The following RTP4 variants were observed in gnomAD, a reference collection of about 807,000 sequenced individuals.
RTP4 encodes receptor-transporting protein 4.
RTP4 carries 5 observed loss-of-function variants against 6.5 expected under a neutral mutation model. The ratio of observed to expected loss-of-function variants is 0.77; its 90% CI spans 0.40 to 1.62. The LOEUF is 1.62. Ranked by LOEUF, RTP4 falls within the 40% of genes most tolerant of loss-of-function variation. RTP4 has a pLI of 0.02. For missense variants in RTP4, 266 were observed against 288.7 expected (o/e 0.92, Z 0.57); for synonymous variants, 112 against 114.8 (o/e 0.98, Z 0.15).
Position 187,371,452 on chromosome 3 carries a change from A to G in RTP4, c.*79A>G, listed in dbSNP as rs1709250100. The G allele has an allele frequency of 9.3e-7, 1 of 1,070,144 alleles. No individual in the cohort carries two copies. Among genetic ancestry groups the G allele is most frequent in the Non-Finnish European group, 1.3e-6 (1 of 756,840 alleles). 66.3% of individuals were successfully genotyped at this position (1,070,144 alleles called of 1,614,324 possible). On this transcript the variant is annotated 3_prime_UTR_variant, in exon 2 of 2. Coordinates refer to ENST00000259030, the MANE Select transcript of RTP4 (RefSeq NM_022147.3). Reference sequence around the variant, plus strand: ...TGGCTGCCACTTTAATATAACTGAAAATTCATTTTGAGACCAAGCAGGATC... The same window carrying G: ...TGGCTGCCACTTTAATATAACTGAAGATTCATTTTGAGACCAAGCAGGATC...
intron 1 of RTP4, 122 bp downstream of exon 1, chr3:187,368,718 TGTG>T: frequency 1.1e-6 from 1 of 917,366 alleles, no homozygotes; most frequent in Non-Finnish European, 1.6e-6. Context: ...TCCATCCTAT[TGTG>T]GTCATAGTAC....
In RTP4 at chr3:187,370,993, C is replaced by G. The variant is rs1035105579; in HGVS notation, c.361C>G (p.His121Asp). ...TMRILSNLVQ[H>D]ILKKYYGNGT... ...GAGGATTCTGAGCAACCTGGTGCAG[C>G]ATATACTGAAGAAATACTATGGAAA... The change falls in exon 2 of 2, where the codon CAT becomes GAT. Residue 121 changes from histidine (H) to aspartate (D), a missense_variant. Transcript: ENST00000259030. 9.3e-6 allele frequency: 15 copies of G among 1,614,052 alleles called. No homozygotes were observed. The highest frequency in any genetic ancestry group is 1.3e-5 in the Non-Finnish European group (15 of 1,180,038).
At position 187,371,592 on chromosome 3, in the gene RTP4, A is replaced by G. The variant is rs1202135408; in HGVS notation, c.*219A>G. 1.7e-5 allele frequency: 9 copies of G among 535,512 alleles called. No individual in the cohort carries two copies. Among genetic ancestry groups the G allele is most frequent in the South Asian group, 2.5e-5 (1 of 40,790 alleles). 33.2% of individuals were successfully genotyped at this position (535,512 alleles called of 1,614,324 possible). On this transcript the variant is annotated 3_prime_UTR_variant, in exon 2 of 2. Transcript: ENST00000259030. ...TTGTCGAATTGCTAAAAAGTCTTCAATCATTCATTCACTAAGTCACTCAGT... is the reference window on the plus strand; with the variant it reads ...TTGTCGAATTGCTAAAAAGTCTTCAGTCATTCATTCACTAAGTCACTCAGT...
At chr3:187,368,690 G>C in intron 1 of RTP4, 94 bp downstream of exon 1, 1 of 1,237,690 alleles carries the variant, frequency 8.1e-7, no homozygotes, top group Non-Finnish European at 1.1e-6. Context: ...TGTTGAAGGA[G>C]TAAATGTCAC....
At chr3:187,369,600 A>G (rs1560063575) in intron 1 of RTP4, among the ~76,000 whole-genome samples, 2 of 151,432 alleles carry the variant, frequency 1.3e-5, no homozygotes, top group South Asian at 2.1e-4. Context: ...ATATATGTAT[A>G]TGTATACATA....
In RTP4 at chr3:187,371,453, A is replaced by T; in HGVS notation, c.*80A>T. On this transcript the variant is annotated 3_prime_UTR_variant, in exon 2 of 2. Transcript: ENST00000259030. ...GGCTGCCACTTTAATATAACTGAAA[A>T]TTCATTTTGAGACCAAGCAGGATCA... 1 of 1,045,084 alleles carries T rather than the reference A, an allele frequency of 9.6e-7. No homozygotes were observed. The highest frequency in any genetic ancestry group is 2.6e-5 in the East Asian group (1 of 38,698). The allele number at this position is 1,045,084 out of a possible 1,614,324, so 64.7% of individuals were successfully genotyped here. A position where few individuals can be genotyped will look rare whatever the true frequency, so the allele number is the denominator to read the frequency against.
Position 187,368,542 on chromosome 3 carries a change from A to G in RTP4, c.101A>G (p.Gln34Arg), listed in dbSNP as rs1193373476. 1 of 1,614,212 alleles carries G rather than the reference A, an allele frequency of 6.2e-7. No individual in the cohort carries two copies. The highest frequency in any genetic ancestry group is 8.5e-7 in the Non-Finnish European group (1 of 1,180,028). The change falls in exon 1 of 2, where the codon CAG (glutamine) becomes CGG (arginine). Residue 34 changes from glutamine (Q) to arginine (R), a missense_variant. Physicochemically the swap from Gln to Arg is conservative, Grantham distance 43. Transcript: ENST00000259030. ...ACGCTGAAGTTGGATGGCAACCTTC[A>G]GCTAGACTGCCTGGCTCAAGGGTGG... ...TWTLKLDGNL[Q>R]LDCLAQGWKQ...
In RTP4 at chr3:187,371,653, C is replaced by T. The variant is rs1711618553; in HGVS notation, c.*280C>T. The T allele has an allele frequency of 5.2e-6, 2 of 386,394 alleles. No individual in the cohort carries two copies. The highest frequency in any genetic ancestry group is 2.0e-5 in the African/African-American group (1 of 49,802). The allele number at this position is 386,394 out of a possible 1,614,324, so 23.9% of individuals were successfully genotyped here. On this transcript the variant is annotated 3_prime_UTR_variant, in exon 2 of 2. Transcript: ENST00000259030. ...TACTTAGCTCAGAAAGTGTGGGAGGCTGAATAATGGTGTCTCCCAACATAT... is the reference window on the plus strand; with the variant it reads ...TACTTAGCTCAGAAAGTGTGGGAGGTTGAATAATGGTGTCTCCCAACATAT...
At chr3:187,369,752 C>T (rs532909237) in intron 1 of RTP4, among the ~76,000 whole-genome samples, 1 of 152,068 alleles carries the variant, frequency 6.6e-6, no homozygotes, top group African/African-American at 2.4e-5. Flanking sequence ...AATAAAGCCT[C>T]CTAAACGTCT....
chr3:187,370,863 C>G lies in RTP4; in HGVS notation c.231C>G (p.His77Gln), dbSNP rs773999947. The G allele has an allele frequency of 1.2e-6, 2 of 1,614,124 alleles. No individual in the cohort carries two copies. The highest frequency in any genetic ancestry group is 1.7e-6 in the Non-Finnish European group (2 of 1,180,032). ...TTCTGTGCCACACGTACTGGGAGCA[C>G]TGGACATCCCAGGGTCAGGTGCGTA... The part of the protein sequence containing the change: ...VQILCHTYWE[H>Q]WTSQGQVRMR... Residue 77 changes from histidine (H) to glutamine (Q), a missense_variant, in exon 2 of 2, where the codon CAC (histidine) becomes CAG (glutamine). His to Gln is a conservative substitution (Grantham distance 24). Transcript: ENST00000259030.
In RTP4 at chr3:187,371,743, G is replaced by A. The variant is rs1214246947; in HGVS notation, c.*370G>A. On this transcript the variant is annotated 3_prime_UTR_variant, in exon 2 of 2. Coordinates refer to ENST00000259030, the MANE Select transcript of RTP4 (RefSeq NM_022147.3). ...ACATGGTAGAATGGACTTTGCGGAT[G>A]TAATTAAGGACCTTGAAATGGTTAG... 1 of 193,926 alleles carries A rather than the reference G, an allele frequency of 5.2e-6. No individual in the cohort carries two copies. The highest frequency in any genetic ancestry group is 1.1e-5 in the Non-Finnish European group (1 of 93,416). 12.0% of individuals were successfully genotyped at this position (193,926 alleles called of 1,614,324 possible). A position where few individuals can be genotyped will look rare whatever the true frequency, so the allele number is the denominator to read the frequency against.
Position 187,371,648 on chromosome 3 carries a change from G to T in RTP4, c.*275G>T. 2.5e-6 allele frequency: 1 copy of T among 395,412 alleles called. No individual in the cohort carries two copies. Among genetic ancestry groups the T allele is most frequent in the Non-Finnish European group, 4.6e-6 (1 of 217,856 alleles). 24.5% of individuals were successfully genotyped at this position (395,412 alleles called of 1,614,324 possible). On this transcript the variant is annotated 3_prime_UTR_variant, in exon 2 of 2. Coordinates refer to ENST00000259030, the MANE Select transcript of RTP4 (RefSeq NM_022147.3). ...CAATATACTTAGCTCAGAAAGTGTG[G>T]GAGGCTGAATAATGGTGTCTCCCAA...
chr3:187,369,992 T>C (rs1229813350), intron 1 of RTP4, among the ~76,000 whole-genome samples: 1 of 152,234 alleles, frequency 6.6e-6, no homozygotes, highest in Non-Finnish European at 1.5e-5. Context: ...AACCTACCAG[T>C]GTACTTTTGG....
chr3:187,370,060 A>T (rs1008280890), intron 1 of RTP4, among the ~76,000 whole-genome samples: 1 of 152,224 alleles, frequency 6.6e-6, no homozygotes, highest in African/African-American at 2.4e-5. Flanking sequence ...TTTCACATAC[A>T]TCGTCTCTTT....
intron 1 of RTP4, among the ~76,000 whole-genome samples, chr3:187,370,261 A>G (rs934431748): frequency 2.6e-5 from 4 of 152,238 alleles, no homozygotes. Flanking sequence ...GTGTTACAGC[A>G]GGTAAATGAG....
At position 187,368,616 on chromosome 3, in the gene RTP4, G is replaced by A; in HGVS notation, c.155+20G>A. ...TGGCTGGTGAGTGTGGGTTTCCCAG[G>A]CAATAGCTCTTCTGAGAAGAGAGGC... On this transcript the variant is annotated intron_variant, in intron 1 of 1. Coordinates refer to ENST00000259030, the MANE Select transcript of RTP4 (RefSeq NM_022147.3). 6.3e-7 allele frequency: 1 copy of A among 1,594,924 alleles called. No homozygotes were observed. Among genetic ancestry groups the A allele is most frequent in the Non-Finnish European group, 8.5e-7 (1 of 1,170,718 alleles).
At chr3:187,370,251 G>A (rs1030972823) in intron 1 of RTP4, among the ~76,000 whole-genome samples, 2 of 152,164 alleles carry the variant, frequency 1.3e-5, no homozygotes, top group South Asian at 2.1e-4. Flanking sequence ...CAGAGGCAAC[G>A]TGTTACAGCA....
intron 1 of RTP4, among the ~76,000 whole-genome samples, chr3:187,370,582 C>T (rs111347588): frequency 1.3e-5 from 2 of 152,148 alleles, no homozygotes; most frequent in African/African-American, 4.8e-5. Context: ...TTGGGTGTAA[C>T]ATATGGGTGG....
chr3:187,370,095 AT>A (rs906383284), intron 1 of RTP4, among the ~76,000 whole-genome samples: 8 of 150,308 alleles, frequency 5.3e-5, no homozygotes, highest in Non-Finnish European at 1.0e-4. Flanking sequence ...TAACCCTTGA[AT>A]TTTTTTTTTA....
Sources: gnomAD v4.1 joint callset for allele counts (sites outside exome capture counted in the v4.1 genomes callset) on GRCh38, gnomAD v4.1.1 for gene constraint, MANE v1.5 for transcripts, NCBI Gene and HGNC (gene_info 2026-07-23, HGNC 2026-07-21) for gene names.